Variants in SNX29 observed in about 807,000 individuals in gnomAD.
The protein encoded by SNX29 is sorting nexin-29.
In SNX29, 78 loss-of-function variants were observed where a neutral mutation model predicts 102.1. The ratio of observed to expected loss-of-function variants is 0.76; its 90% confidence interval spans 0.64 to 0.92. The LOEUF (loss-of-function observed/expected upper bound fraction) is 0.92. Ranked by LOEUF, SNX29 falls within the 40% of genes least tolerant of loss-of-function variation. The pLI, the probability that SNX29 is intolerant of heterozygous loss-of-function variation, is 0.00. For missense variants in SNX29, 1,280 were observed against 1,061.7 expected (o/e 1.21, Z -2.86); for synonymous variants, 580 against 414.5 (o/e 1.40, Z -4.85).
intron 13 of SNX29, among the ~76,000 whole-genome samples, chr16:12,150,442 C>T (rs1324401859): frequency 6.6e-6 from 1 of 152,196 alleles, no homozygotes; most frequent in African/African-American, 2.4e-5. Context: ...TTGCCTAGCT[C>T]CTCAAGGTAC....
chr16:12,217,412 T>TA (rs1181396470), intron 14 of SNX29, among the ~76,000 whole-genome samples: 5 of 152,210 alleles, frequency 3.3e-5, no homozygotes, highest in African/African-American at 1.2e-4. Flanking sequence ...TTGCTAGAGA[T>TA]ACGGTGATGG....
At chr16:12,488,761 G>A (rs2088383753) in intron 19 of SNX29, among the ~76,000 whole-genome samples, 1 of 152,130 alleles carries the variant, frequency 6.6e-6, no homozygotes, top group Non-Finnish European at 1.5e-5. Context: ...GAATTTCCAT[G>A]AAGACTCTGC....
intron 14 of SNX29, among the ~76,000 whole-genome samples, chr16:12,216,022 A>G (rs1259747397): frequency 2.0e-5 from 3 of 152,328 alleles, no homozygotes; most frequent in African/African-American, 4.8e-5. Flanking sequence ...GCAAGCAGGC[A>G]TACATCCTGG....
chr16:12,550,070 T>G (rs1276088032), intron 20 of SNX29, among the ~76,000 whole-genome samples: 1 of 152,226 alleles, frequency 6.6e-6, no homozygotes, highest in East Asian at 1.9e-4. Flanking sequence ...AGTCTCACCC[T>G]TTATAGGAAG....
Position 12,421,088 on chromosome 16 carries a change from C to T in SNX29, c.2037+17559C>T, listed in dbSNP as rs554527963. Among the ~76,000 whole-genome samples the T allele has an allele frequency of 1.2e-3, 186 of 152,278 alleles. 1 individual carries two copies. Among genetic ancestry groups the T allele is most frequent in the African/African-American group, 4.3e-3 (177 of 41,556 alleles). On this transcript the variant is annotated intron_variant, in intron 18 of 20. Transcript: ENST00000566228. The stretch of plus-strand genomic sequence containing the variant: ...TTTTACAGATAAGGAAACTACGGCA[C>T]AGGAAGGTTAAGTGCCTTGCCTAAG...
At chr16:12,233,795 T>C (rs1567339829) in intron 14 of SNX29, among the ~76,000 whole-genome samples, 1 of 152,140 alleles carries the variant, frequency 6.6e-6, no homozygotes, top group Non-Finnish European at 1.5e-5. Flanking sequence ...AGCACCATTC[T>C]CCTTCCTGTC....
At chr16:12,236,999 G>A (rs1596588524) in intron 14 of SNX29, among the ~76,000 whole-genome samples, 1 of 152,206 alleles carries the variant, frequency 6.6e-6, no homozygotes, top group Non-Finnish European at 1.5e-5. Context: ...GAAGGTTGGT[G>A]CAGGCTTGGA....
intron 18 of SNX29, among the ~76,000 whole-genome samples, chr16:12,413,617 C>T (rs919303728): frequency 6.6e-6 from 1 of 152,062 alleles, no homozygotes; most frequent in African/African-American, 2.4e-5. Flanking sequence ...AACGAAGTGA[C>T]GTGAGTGTTC....
chr16:12,543,887 G>A (rs1034574568), intron 20 of SNX29, among the ~76,000 whole-genome samples: 21 of 152,178 alleles, frequency 1.4e-4, no homozygotes, highest in African/African-American at 4.8e-4. Context: ...ACAAGAGCTT[G>A]CGTATTCCTT....
At chr16:12,214,789 C>T (rs540892872) in intron 14 of SNX29, among the ~76,000 whole-genome samples, 1 of 152,192 alleles carries the variant, frequency 6.6e-6, no homozygotes, top group Non-Finnish European at 1.5e-5. Context: ...CCAGATACCC[C>T]TGCTCCAGGA....
At position 12,539,716 on chromosome 16, in the gene SNX29, A is replaced by G. The variant is rs115245841; in HGVS notation, c.2318+14875A>G. ...GCATGTCATACTGTCATGATTCTTT[A>G]CTGTGGCTGTTCACAAGGATGCAGA... On this transcript the variant is annotated intron_variant, in intron 20 of 20. Coordinates refer to ENST00000566228, the MANE Select transcript of SNX29 (RefSeq NM_032167.5). Among the ~76,000 whole-genome samples the G allele has an allele frequency of 4.1e-3, 630 of 152,320 alleles. 5 individuals are homozygous for G. Among genetic ancestry groups the G allele is most frequent in the African/African-American group, 0.015 (604 of 41,578 alleles).
At chr16:12,144,870 T>C (rs888687790) in intron 13 of SNX29, among the ~76,000 whole-genome samples, 2 of 152,136 alleles carry the variant, frequency 1.3e-5, no homozygotes, top group African/African-American at 2.4e-5. Context: ...TACAGGCGCC[T>C]GCCACCACAC....
chr16:12,526,680 A>G, intron 20 of SNX29: 1 of 504,280 alleles, frequency 2.0e-6, no homozygotes, highest in East Asian at 4.0e-5. Flanking sequence ...GCATCGACTG[A>G]ATTCCCTGGT....
intron 19 of SNX29, among the ~76,000 whole-genome samples, chr16:12,503,366 G>A (rs2089217806): frequency 1.3e-5 from 2 of 152,184 alleles, no homozygotes; most frequent in South Asian, 4.1e-4. Flanking sequence ...AGTGGTTGAG[G>A]GGAGGCTGCT....
Position 12,228,708 on chromosome 16 carries a change from C to A in SNX29, c.1678+29025C>A, listed in dbSNP as rs988227402. 4.6e-5 allele frequency among the ~76,000 whole-genome samples: 7 copies of A among 152,350 alleles called. 1 individual carries two copies. The East Asian group carries it at 1.3e-3, about 29-fold the overall frequency. On this transcript the variant is annotated intron_variant, in intron 14 of 20. Coordinates refer to ENST00000566228, the MANE Select transcript of SNX29 (RefSeq NM_032167.5). Reference sequence around the variant, plus strand: ...ATGCTGTTCTCTGCCTGTATCACCTCATTTCAGTTCCTGGAACAAGCCGTG... The same window carrying A: ...ATGCTGTTCTCTGCCTGTATCACCTAATTTCAGTTCCTGGAACAAGCCGTG...
chr16:12,194,778 C>T (rs567363094), intron 13 of SNX29, among the ~76,000 whole-genome samples: 2 of 152,020 alleles, frequency 1.3e-5, no homozygotes, highest in South Asian at 4.2e-4. Context: ...AGGCATGCAC[C>T]ACCAGGCCCA....
chr16:12,346,017 T>C (rs904935844), intron 15 of SNX29, among the ~76,000 whole-genome samples: 5 of 152,176 alleles, frequency 3.3e-5, no homozygotes, highest in African/African-American at 9.7e-5. Context: ...CCCACCGCCA[T>C]TCCTAGTATT....
intron 11 of SNX29, among the ~76,000 whole-genome samples, chr16:12,094,648 T>A (rs2052695248): frequency 6.6e-6 from 1 of 152,160 alleles, no homozygotes; most frequent in African/African-American, 2.4e-5. Flanking sequence ...GGGACATATA[T>A]GGTTGTCACA....
At chr16:12,437,147 C>A (rs930108391) in intron 18 of SNX29, among the ~76,000 whole-genome samples, 1 of 152,266 alleles carries the variant, frequency 6.6e-6, no homozygotes, top group Non-Finnish European at 1.5e-5. Context: ...AAAACTGTTA[C>A]TGAAATCCTG....
Sources: allele counts gnomAD v4.1 joint callset (sites outside exome capture counted in the v4.1 genomes callset), GRCh38; gene constraint gnomAD v4.1.1; transcripts MANE v1.5; gene names NCBI Gene and HGNC (gene_info 2026-07-23, HGNC 2026-07-21).